Variants in PDCD4 observed in about 807,000 individuals in gnomAD.
PDCD4 encodes the protein programmed cell death 4.
PDCD4 carries 56 observed loss-of-function variants against 54.0 expected under a neutral mutation model. The ratio of observed to expected loss-of-function variants is 1.04; its 90% CI spans 0.84 to 1.30. PDCD4 has a LOEUF of 1.30. Ranked by LOEUF, PDCD4 falls within the 50% of genes most tolerant of loss-of-function variation. The pLI, the probability that PDCD4 is intolerant of heterozygous loss-of-function variation, is 0.00. For synonymous variants in PDCD4, 186 were observed against 194.8 expected, an observed-to-expected ratio of 0.95 and a Z score of 0.37; for missense variants, 584 against 559.8, an observed-to-expected ratio of 1.04 and a Z score of -0.44.
At chr10:110,893,140 A>G (rs1163951349) in intron 8 of PDCD4, among the ~76,000 whole-genome samples, 1 of 152,040 alleles carries the variant, frequency 6.6e-6, no homozygotes. Flanking sequence ...ACTTTTCAGA[A>G]TGTATCCCTG....
intron 6 of PDCD4, among the ~76,000 whole-genome samples, chr10:110,888,481 A>G (rs1418455616): frequency 1.3e-5 from 2 of 152,156 alleles, no homozygotes; most frequent in African/African-American, 4.8e-5. Flanking sequence ...TTTTATACCA[A>G]TACACATACT....
At chr10:110,885,694 C>G (rs1272947273) in intron 5 of PDCD4, among the ~76,000 whole-genome samples, 1 of 151,580 alleles carries the variant, frequency 6.6e-6, no homozygotes, top group African/African-American at 2.4e-5. Flanking sequence ...GAGGGCACTT[C>G]TAGACGCCCC....
rs756021931 is a variant in PDCD4, at chr10:110,881,327, A to G, written c.138A>G (p.Ser46=). ...ATGAAATAAATGGAAATTGGATTTC[A>G]GCATCCTCCATTAACGAAGCTAGAA... ...IKNEINGNWI[S]ASSINEARIN... The change falls in exon 3 of 12, where the codon TCA becomes TCG. Residue 46 remains serine (S), a synonymous_variant. Transcript: ENST00000280154. 3 of 1,614,114 alleles carry G rather than the reference A, an allele frequency of 1.9e-6. No homozygotes were observed. The South Asian group carries it at 3.3e-5, about 18-fold the overall frequency.
intron 5 of PDCD4, among the ~76,000 whole-genome samples, chr10:110,886,375 T>A (rs150832376): frequency 0.019 from 2,906 of 152,134 alleles, 28 homozygotes; most frequent in Non-Finnish European, 0.028. Context: ...TGTTGAGGAG[T>A]TCGCCAGTTA....
At chr10:110,896,172 C>A in intron 11 of PDCD4, 85 bp downstream of exon 11, 1 of 1,025,764 alleles carries the variant, frequency 9.7e-7, no homozygotes, top group Non-Finnish European at 1.4e-6. Context: ...GTTTATCGTT[C>A]CCTGAAGTCA....
Position 110,874,276 on chromosome 10 carries a change from T to C in PDCD4, c.-62-1690T>C, listed in dbSNP as rs534015071. ...CTTTATGAACATCAATTATAATCAT[T>C]TCGCTTATTAGGTTCTGCAGAAAGT... On this transcript the variant is annotated intron_variant, in intron 1 of 11. Coordinates refer to ENST00000280154, the MANE Select transcript of PDCD4 (RefSeq NM_014456.5). Among the ~76,000 whole-genome samples the C allele has an allele frequency of 9.2e-5, 14 of 152,344 alleles. No homozygotes were observed. In the East Asian group the frequency reaches 2.5e-3, roughly 27 times the overall value.
At chr10:110,893,494 T>C (rs55647014) in intron 8 of PDCD4, among the ~76,000 whole-genome samples, 10,439 of 151,822 alleles carry the variant, frequency 0.069, 505 homozygotes, top group African/African-American at 0.14. Flanking sequence ...CTCCCACTTT[T>C]TTGAGATGTT....
Position 110,881,459 on chromosome 10 carries a change from T to G in PDCD4, c.270T>G (p.Thr90=), listed in dbSNP as rs764757932. The G allele has an allele frequency of 3.7e-6, 6 of 1,614,162 alleles. No individual in the cohort carries two copies. The East Asian group carries it at 8.9e-5, about 24-fold the overall frequency. ...GTGACGCCCTTAGAAGTGGATTAAC[T>G]GTGCCAACCAGTCCAAAGGGAAGGT... ...SGSDALRSGL[T]VPTSPKGRLL... Residue 90 remains threonine (T), a synonymous_variant, in exon 3 of 12, where the codon ACT becomes ACG. Coordinates refer to ENST00000280154, the MANE Select transcript of PDCD4 (RefSeq NM_014456.5).
chr10:110,887,703 T>A lies in PDCD4; in HGVS notation c.594T>A (p.Ser198Arg). Residue 198 changes from serine to arginine, a missense_variant, in exon 6 of 12, where the codon AGT becomes AGA. By Grantham distance (110) the Ser-to-Arg change is moderately radical. Coordinates refer to ENST00000280154, the MANE Select transcript of PDCD4 (RefSeq NM_014456.5). Reference protein sequence around the residue: ...LRDLNLGEMKSGVPVLAVSLA... With the variant: ...LRDLNLGEMKRGVPVLAVSLA... ...ATTTAAATCTTGGTGAAATGAAAAG[T>A]GGAGTACCAGTGTTGGCAGTATCCT... The A allele has an allele frequency of 6.2e-7, 1 of 1,613,252 alleles. No individual in the cohort carries two copies.
chr10:110,876,917 T>C (rs916629274), intron 2 of PDCD4, among the ~76,000 whole-genome samples: 7 of 152,194 alleles, frequency 4.6e-5, no homozygotes, highest in African/African-American at 1.7e-4. Context: ...AGCTATTTTC[T>C]GTCATTTTAA....
At chr10:110,872,479 C>T (rs529447186) in intron 1 of PDCD4, among the ~76,000 whole-genome samples, 2 of 152,334 alleles carry the variant, frequency 1.3e-5, no homozygotes, top group African/African-American at 2.4e-5. Flanking sequence ...CCTGGGAATC[C>T]TCTGAAGATG....
At chr10:110,897,607 A>T (rs1197257043) in intron 11 of PDCD4, among the ~76,000 whole-genome samples, 3 of 152,072 alleles carry the variant, frequency 2.0e-5, no homozygotes, top group Non-Finnish European at 2.9e-5. Context: ...ATTTTTTTTT[A>T]AATTGCCAAA....
At chr10:110,873,828 A>G (rs756125375) in intron 1 of PDCD4, among the ~76,000 whole-genome samples, 2 of 151,994 alleles carry the variant, frequency 1.3e-5, no homozygotes, top group Non-Finnish European at 2.9e-5. Context: ...ACACAGGACT[A>G]TTTTTTTTAT....
Position 110,881,243 on chromosome 10 carries a change from C to A in PDCD4, c.54C>A (p.Asn18Lys). Reference protein sequence around the residue: ...ILNVNPADPDNLSDSLFSGDE... With the variant: ...ILNVNPADPDKLSDSLFSGDE... Reference sequence around the variant, plus strand: ...ATTTTTCTCTTTAAGATCCTGATAACTTAAGTGACTCTCTCTTTTCCGGTG... The same window carrying A: ...ATTTTTCTCTTTAAGATCCTGATAAATTAAGTGACTCTCTCTTTTCCGGTG... Residue 18 changes from asparagine (N) to lysine (K), a missense_variant, in exon 3 of 12, where the codon AAC becomes AAA. Asn to Lys is a moderately conservative substitution (Grantham distance 94). Coordinates refer to ENST00000280154, the MANE Select transcript of PDCD4 (RefSeq NM_014456.5). 1.9e-6 allele frequency: 3 copies of A among 1,611,078 alleles called. No homozygotes were observed. The highest frequency in any genetic ancestry group is 4.5e-5 in the East Asian group (2 of 44,864).
chr10:110,895,912 G>T, intron 10 of PDCD4, 36 bp from the exon 11 acceptor site: 1 of 1,488,198 alleles, frequency 6.7e-7, no homozygotes, highest in Non-Finnish European at 9.0e-7. Flanking sequence ...TATTTTATAT[G>T]GGCTAACAAT....
chr10:110,883,194 A>G (rs11195364), intron 4 of PDCD4, 97 bp downstream of exon 4: 50,041 of 773,652 alleles, frequency 0.065, 1,986 homozygotes, highest in Non-Finnish European at 0.081. Flanking sequence ...AATCATATGT[A>G]TAAATGTTTT....
rs888942231 is a variant in PDCD4, at chr10:110,894,429, A to C, written c.1116A>C (p.Leu372Phe). The C allele has an allele frequency of 1.3e-6, 2 of 1,550,606 alleles. No individual in the cohort carries two copies. Among genetic ancestry groups the C allele is most frequent in the Admixed American group, 3.4e-5 (2 of 59,526 alleles). The change falls in exon 10 of 12, where the codon TTA becomes TTC. Residue 372 changes from leucine to phenylalanine, a missense_variant. Physicochemically the swap from Leu to Phe is conservative, Grantham distance 22. Transcript: ENST00000280154. ...ATTTTTAGGCTATTATAATGGTTTTAGAGTCAACTGGAGAAAGTACATTTA... is the reference window on the plus strand; with the variant it reads ...ATTTTTAGGCTATTATAATGGTTTTCGAGTCAACTGGAGAAAGTACATTTA... The part of the protein sequence containing the change: ...ELVYEAIIMV[L>F]ESTGESTFKM...
At chr10:110,887,259 C>T (rs1185089625) in intron 5 of PDCD4, among the ~76,000 whole-genome samples, 5 of 151,956 alleles carry the variant, frequency 3.3e-5, no homozygotes, top group African/African-American at 1.2e-4. Flanking sequence ...GTTTGTAGCC[C>T]GGGAGCAATA....
At chr10:110,882,710 C>G (rs1219460788) in intron 3 of PDCD4, among the ~76,000 whole-genome samples, 1 of 152,130 alleles carries the variant, frequency 6.6e-6, no homozygotes. Flanking sequence ...GCAATATCAT[C>G]TCCTTTGAGG....
Sources: allele counts gnomAD v4.1 joint callset (sites outside exome capture counted in the v4.1 genomes callset), GRCh38; gene constraint gnomAD v4.1.1; transcripts MANE v1.5; gene names NCBI Gene and HGNC (gene_info 2026-07-23, HGNC 2026-07-21).